SWAP70: variants seen among roughly 807,000 people sequenced by gnomAD.
SWAP70 encodes the protein switching B cell complex subunit SWAP70, also known as switch-associated protein 70.
Under a neutral mutation model 80.2 loss-of-function variants are expected in SWAP70, and 34 were observed. That is an observed-to-expected ratio of 0.42 (90% CI 0.32 to 0.56). The LOEUF (loss-of-function observed/expected upper bound fraction) is 0.56, where lower values mean the gene tolerates loss of function less well. Among genes scored for constraint, SWAP70 ranks in the 20% least tolerant of loss-of-function variants. SWAP70 has a pLI of 0.09. For synonymous variants in SWAP70, 239 were observed against 238.5 expected (o/e 1.00, Z -0.02); for missense variants, 578 against 690.7 (o/e 0.84, Z 1.83).
In SWAP70 at chr11:9,671,541, AAT is replaced by A. The variant is rs1850391145; in HGVS notation, c.99+7269_99+7270del. 2.3e-5 allele frequency among the ~76,000 whole-genome samples: 2 copies of A among 85,952 alleles called. 1 individual carries two copies. The highest frequency in any genetic ancestry group is 4.3e-5 in the Non-Finnish European group (2 of 46,946). 56.4% of individuals were successfully genotyped at this position (85,952 alleles called of 152,430 possible). A position where few individuals can be genotyped will look rare whatever the true frequency, so the allele number is the denominator to read the frequency against. ...ATATATAAATATATAAATATATAGA[AAT>A]ATATAGAAATATATATAAATATATT... On this transcript the variant is annotated intron_variant, in intron 1 of 11. Coordinates refer to ENST00000318950, the MANE Select transcript of SWAP70 (RefSeq NM_015055.4).
At chr11:9,745,928 C>T (rs60195226) in intron 9 of SWAP70, among the ~76,000 whole-genome samples, 12,984 of 152,180 alleles carry the variant, frequency 0.085, 1,374 homozygotes, top group East Asian at 0.28. Flanking sequence ...GCCTTGAACA[C>T]AGGCAGGAAT....
intron 1 of SWAP70, among the ~76,000 whole-genome samples, chr11:9,689,935 G>A (rs528832598): frequency 7.2e-5 from 11 of 152,284 alleles, no homozygotes; most frequent in East Asian, 3.9e-4. Context: ...ACTCACGGGC[G>A]TGTCCATCTT....
chr11:9,672,530 A>ATTTTTTTT (rs58704706), intron 1 of SWAP70, among the ~76,000 whole-genome samples: 38 of 88,398 alleles, frequency 4.3e-4, no homozygotes, highest in Admixed American at 5.8e-4. Flanking sequence ...CACCTGGCTA[A>ATTTTTTTT]TTTTTTTTTT....
chr11:9,707,286 ACT>A (rs1469378639), intron 2 of SWAP70, among the ~76,000 whole-genome samples: 2 of 152,150 alleles, frequency 1.3e-5, no homozygotes, highest in Non-Finnish European at 2.9e-5. Flanking sequence ...CATAACTGAA[ACT>A]CTACACCTTT....
In SWAP70 at chr11:9,750,149, C is replaced by G. The variant is rs1851567411; in HGVS notation, c.*179C>G. On this transcript the variant is annotated 3_prime_UTR_variant, in exon 12 of 12. Coordinates refer to ENST00000318950, the MANE Select transcript of SWAP70 (RefSeq NM_015055.4). ...GGTCAGGAGTTCAAGAGCAGCCTGG[C>G]CAACCTGGTGAAACCCTGTCTCTAC... 2 of 375,674 alleles carry G rather than the reference C, an allele frequency of 5.3e-6. No homozygotes were observed. Among genetic ancestry groups the G allele is most frequent in the African/African-American group, 2.0e-5 (1 of 48,904 alleles). The allele number at this position is 375,674 out of a possible 1,614,324, so 23.3% of individuals were successfully genotyped here.
intron 1 of SWAP70, among the ~76,000 whole-genome samples, chr11:9,685,039 G>C (rs1850613890): frequency 6.6e-6 from 1 of 151,838 alleles, no homozygotes; most frequent in African/African-American, 2.4e-5. Flanking sequence ...AGACATTTGT[G>C]CAATATTTCA....
At chr11:9,719,018 C>G (rs181921912) in intron 3 of SWAP70, among the ~76,000 whole-genome samples, 195 of 146,480 alleles carry the variant, frequency 1.3e-3, no homozygotes, top group African/African-American at 4.5e-3. Flanking sequence ...GAGGATCACC[C>G]AGGAGGCAGA....
intron 1 of SWAP70, among the ~76,000 whole-genome samples, chr11:9,673,489 TC>T (rs1279105771): frequency 3.9e-5 from 6 of 152,150 alleles, no homozygotes; most frequent in African/African-American, 1.4e-4. Context: ...CCTGTCCTCT[TC>T]CGTCTCTTAT....
At chr11:9,732,450 A>T in intron 6 of SWAP70, 79 bp from the exon 7 acceptor site, 1 of 1,391,042 alleles carries the variant, frequency 7.2e-7, no homozygotes, top group Non-Finnish European at 9.9e-7. Context: ...TTTTCTTCCC[A>T]CTGTGCCATT....
At chr11:9,725,553 ATATATATATATATATATTTTT>A (rs1171833351) in intron 4 of SWAP70, among the ~76,000 whole-genome samples, 1,838 of 21,546 alleles carry the variant, frequency 0.085, 55 homozygotes, top group Middle Eastern at 0.15. Flanking sequence ...ATATATATAT[ATATATATATATATATATTTTT>A]TTTTTTTTTT....
At chr11:9,674,002 C>A (rs962039015) in intron 1 of SWAP70, among the ~76,000 whole-genome samples, 1 of 152,094 alleles carries the variant, frequency 6.6e-6, no homozygotes, top group Non-Finnish European at 1.5e-5. Context: ...TGGGTTCAAG[C>A]GATTCTCCTA....
intron 4 of SWAP70, among the ~76,000 whole-genome samples, chr11:9,725,557 ATATATATATATATTT>A (rs1467574073): frequency 9.7e-5 from 1 of 10,282 alleles, no homozygotes; most frequent in Non-Finnish European, 2.2e-4. Flanking sequence ...ATATATATAT[ATATATATATATATTT>A]TTTTTTTTTT....
At chr11:9,744,698 C>T (rs1392428414) in intron 9 of SWAP70, among the ~76,000 whole-genome samples, 2 of 151,840 alleles carry the variant, frequency 1.3e-5, no homozygotes, top group Admixed American at 6.6e-5. Context: ...CCTTGAGGCT[C>T]GGAGTTTGAG....
At chr11:9,703,006 A>G (rs189402906) in intron 2 of SWAP70, among the ~76,000 whole-genome samples, 228 of 152,308 alleles carry the variant, frequency 1.5e-3, no homozygotes, top group Non-Finnish European at 2.5e-3. Flanking sequence ...TTCATTCACT[A>G]CAACCATTAC....
intron 4 of SWAP70, among the ~76,000 whole-genome samples, chr11:9,727,579 T>C: frequency 6.6e-6 from 1 of 152,192 alleles, no homozygotes; most frequent in East Asian, 1.9e-4. Context: ...TCTTTCTTTT[T>C]AAGTGGAATA....
At chr11:9,729,704 C>T (rs1346920125) in intron 6 of SWAP70, among the ~76,000 whole-genome samples, 2 of 152,152 alleles carry the variant, frequency 1.3e-5, no homozygotes, top group East Asian at 3.9e-4. Flanking sequence ...ATGTTGGTCA[C>T]GCTGGTCTCA....
chr11:9,674,676 A>G (rs1170001156), intron 1 of SWAP70, among the ~76,000 whole-genome samples: 2 of 151,678 alleles, frequency 1.3e-5, no homozygotes, highest in Non-Finnish European at 2.9e-5. Context: ...TCAAAAATAA[A>G]TAAATAGGCT....
chr11:9,721,392 T>C (rs927828857), intron 3 of SWAP70, among the ~76,000 whole-genome samples: 6 of 152,086 alleles, frequency 3.9e-5, no homozygotes, highest in Admixed American at 1.3e-4. Flanking sequence ...GGGTATAAGA[T>C]AAATCTTTGT....
chr11:9,734,008 T>G (rs1851333393), intron 7 of SWAP70, among the ~76,000 whole-genome samples: 1 of 152,154 alleles, frequency 6.6e-6, no homozygotes, highest in Admixed American at 6.5e-5. Flanking sequence ...TGTTTCAGAT[T>G]TGGGATTTTT....
Sources: gnomAD v4.1 joint callset for allele counts (sites outside exome capture counted in the v4.1 genomes callset) on GRCh38, gnomAD v4.1.1 for gene constraint, MANE v1.5 for transcripts, NCBI Gene and HGNC (gene_info 2026-07-23, HGNC 2026-07-21) for gene names.